SNTG2: variants seen among roughly 807,000 people sequenced by gnomAD.
SNTG2 encodes the protein gamma-2-syntrophin.
A neutral mutation model predicts 70.9 loss-of-function variants in SNTG2; 74 were observed. The ratio of observed to expected loss-of-function variants is 1.04; its 90% CI spans 0.86 to 1.27. The LOEUF is 1.27. Ranked by LOEUF, SNTG2 falls within the 50% of genes most tolerant of loss-of-function variation. SNTG2 has a pLI of 0.00. For synonymous variants in SNTG2, 278 were observed against 273.8 expected (o/e 1.02, Z -0.15); for missense variants, 717 against 690.7 (o/e 1.04, Z -0.43).
intron 1 of SNTG2, among the ~76,000 whole-genome samples, chr2:1,003,531 T>G (rs1480025131): frequency 6.6e-6 from 1 of 152,194 alleles, no homozygotes; most frequent in Non-Finnish European, 1.5e-5. Context: ...ACATTATGAT[T>G]TCTATTGTAT....
chr2:1,012,154 A>G (rs1659746003), intron 1 of SNTG2, among the ~76,000 whole-genome samples: 1 of 152,218 alleles, frequency 6.6e-6, no homozygotes, highest in East Asian at 1.9e-4. Context: ...ACGAGCAACG[A>G]TCACAGTGGT....
intron 8 of SNTG2, among the ~76,000 whole-genome samples, chr2:1,180,889 T>TA (rs1558500452): frequency 6.6e-6 from 1 of 152,036 alleles, no homozygotes. Context: ...TATGCAGCCA[T>TA]AAAAAATGAT....
intron 6 of SNTG2, among the ~76,000 whole-genome samples, chr2:1,141,377 C>A (rs149766899): frequency 6.6e-6 from 1 of 152,142 alleles, no homozygotes; most frequent in Non-Finnish European, 1.5e-5. Flanking sequence ...CTGTTTCTGG[C>A]GATGTGTGCT....
intron 15 of SNTG2, among the ~76,000 whole-genome samples, chr2:1,309,373 C>A (rs376140328): frequency 6.6e-6 from 1 of 152,230 alleles, no homozygotes; most frequent in Admixed American, 6.5e-5. Context: ...CTGGGAACTG[C>A]GCCTTCTTTC....
At chr2:1,038,576 A>C (rs1661260451) in intron 1 of SNTG2, among the ~76,000 whole-genome samples, 1 of 152,210 alleles carries the variant, frequency 6.6e-6, no homozygotes, top group Non-Finnish European at 1.5e-5. Flanking sequence ...AATAAGTTAA[A>C]ATTCAAAGAA....
At chr2:1,151,974 C>T (rs74815600) in intron 6 of SNTG2, among the ~76,000 whole-genome samples, 3,249 of 115,978 alleles carry the variant, frequency 0.028, 117 homozygotes, top group African/African-American at 0.087. Context: ...ACCAAATTCT[C>T]AAAGATATCT....
chr2:1,295,133 G>C (rs1436651068), intron 14 of SNTG2, among the ~76,000 whole-genome samples: 2 of 152,300 alleles, frequency 1.3e-5, no homozygotes, highest in East Asian at 3.9e-4. Context: ...TGCTAGGGTG[G>C]TGCCGCAGGG....
At chr2:1,024,680 A>G (rs1660378455) in intron 1 of SNTG2, among the ~76,000 whole-genome samples, 1 of 152,222 alleles carries the variant, frequency 6.6e-6, no homozygotes. Context: ...ACCCAAGACT[A>G]TTTTTAATGA....
At chr2:1,208,241 G>A (rs970579778) in intron 8 of SNTG2, among the ~76,000 whole-genome samples, 1 of 141,058 alleles carries the variant, frequency 7.1e-6, no homozygotes, top group East Asian at 2.4e-4. Context: ...TGAGTGTGGG[G>A]CACACCTGTG....
At chr2:951,198 G>A (rs895602580) in intron 1 of SNTG2, 130 bp downstream of exon 1, 328 of 442,110 alleles carry the variant, frequency 7.4e-4, no homozygotes, top group Non-Finnish European at 1.0e-3. Context: ...TCCGGGGACG[G>A]CTGGCCGGAG....
intron 8 of SNTG2, among the ~76,000 whole-genome samples, chr2:1,197,940 A>G (rs1326152991): frequency 1.1e-5 from 1 of 94,198 alleles, no homozygotes; most frequent in Admixed American, 1.1e-4. Context: ...AGCATTAGAC[A>G]GATTATCTAA....
intron 14 of SNTG2, among the ~76,000 whole-genome samples, chr2:1,276,875 A>C (rs1679291224): frequency 6.6e-6 from 1 of 152,234 alleles, no homozygotes; most frequent in Non-Finnish European, 1.5e-5. Flanking sequence ...GTTTGGAAGA[A>C]GCTGATTCCA....
chr2:1,222,347 C>T (rs758028780), intron 9 of SNTG2, among the ~76,000 whole-genome samples: 20 of 152,260 alleles, frequency 1.3e-4, no homozygotes, highest in African/African-American at 4.3e-4. Flanking sequence ...AAGATAAATT[C>T]GTAACAAGTT....
intron 1 of SNTG2, among the ~76,000 whole-genome samples, chr2:1,029,120 C>A (rs1660670859): frequency 1.3e-5 from 2 of 152,176 alleles, no homozygotes; most frequent in Non-Finnish European, 2.9e-5. Context: ...ATCTTTATCT[C>A]CCCAAATCAT....
intron 6 of SNTG2, among the ~76,000 whole-genome samples, chr2:1,153,742 A>G (rs1669672139): frequency 1.3e-5 from 2 of 152,228 alleles, no homozygotes; most frequent in Non-Finnish European, 2.9e-5. Flanking sequence ...TATTTAAGGA[A>G]AAAAACACTA....
intron 8 of SNTG2, among the ~76,000 whole-genome samples, chr2:1,177,092 A>G (rs909600357): frequency 4.6e-5 from 7 of 152,234 alleles, no homozygotes; most frequent in African/African-American, 1.4e-4. Context: ...ATGCCCATCA[A>G]TGATAGACTT....
chr2:1,161,267 T>C (rs895631811), intron 6 of SNTG2: 2 of 151,002 alleles, frequency 1.3e-5, no homozygotes, highest in African/African-American at 4.9e-5. Context: ...TGGATGACAG[T>C]CAAAAAAAAA....
At chr2:1,063,583 C>A (rs1662962972) in intron 1 of SNTG2, among the ~76,000 whole-genome samples, 1 of 152,244 alleles carries the variant, frequency 6.6e-6, no homozygotes, top group Non-Finnish European at 1.5e-5. Context: ...ATAACTATGA[C>A]CCACATGTGT....
chr2:1,230,778 G>GC (rs1454629720), intron 9 of SNTG2, among the ~76,000 whole-genome samples: 1 of 152,226 alleles, frequency 6.6e-6, no homozygotes, highest in Non-Finnish European at 1.5e-5. Flanking sequence ...AGTGGCACAA[G>GC]CCCCCGCTAC....
Sources: allele counts gnomAD v4.1 joint callset (sites outside exome capture counted in the v4.1 genomes callset), GRCh38; gene constraint gnomAD v4.1.1; transcripts MANE v1.5; gene names NCBI Gene and HGNC (gene_info 2026-07-23, HGNC 2026-07-21).